The following XNDC1N variants were observed in gnomAD, a reference collection of about 807,000 sequenced individuals.
XNDC1N encodes protein XNDC1N.
chr11:71,900,109 T>C, the XNDC1N span, among the ~76,000 whole-genome samples: 1 of 152,282 alleles, frequency 6.6e-6, no homozygotes, highest in Non-Finnish European at 1.5e-5. Flanking sequence ...ACATAGATTC[T>C]ATTGCTCACA....
the XNDC1N span, among the ~76,000 whole-genome samples, chr11:71,918,186 C>G: frequency 4.6e-5 from 7 of 152,160 alleles, no homozygotes; most frequent in African/African-American, 1.7e-4. Context: ...TCCATAAACT[C>G]CTATTCAGCC....
the XNDC1N span, among the ~76,000 whole-genome samples, chr11:71,919,589 C>T: frequency 6.8e-6 from 1 of 146,890 alleles, no homozygotes; most frequent in Non-Finnish European, 1.5e-5. Flanking sequence ...GGGGTTTCCC[C>T]ATTTTGGCCA....
the XNDC1N span, among the ~76,000 whole-genome samples, chr11:71,904,446 G>T: frequency 6.6e-6 from 1 of 152,124 alleles, no homozygotes; most frequent in Non-Finnish European, 1.5e-5. Flanking sequence ...GATATCAGGA[G>T]TTGCATCTCC....
chr11:71,893,544 C>T, the XNDC1N span: 22 of 899,192 alleles, frequency 2.4e-5, no homozygotes, highest in Admixed American at 5.2e-5. Flanking sequence ...AGCCGCTCCT[C>T]GCTTTGCTGT....
At chr11:71,902,458 T>G in the XNDC1N span, among the ~76,000 whole-genome samples, 1 of 152,232 alleles carries the variant, frequency 6.6e-6, no homozygotes, top group Non-Finnish European at 1.5e-5. Context: ...CCCAAAGTGT[T>G]GGGATTACCG....
At chr11:71,901,374 G>C in the XNDC1N span, among the ~76,000 whole-genome samples, 2 of 152,070 alleles carry the variant, frequency 1.3e-5, no homozygotes, top group Admixed American at 1.3e-4. Context: ...TGAGGCAGGC[G>C]AATCACAAGG....
At chr11:71,885,018 A>G in the XNDC1N span, among the ~76,000 whole-genome samples, 9 of 152,102 alleles carry the variant, frequency 5.9e-5, no homozygotes, top group Non-Finnish European at 1.2e-4. Flanking sequence ...TCCGCGGTGG[A>G]TACACAGCCT....
chr11:71,895,477 T>A, the XNDC1N span, among the ~76,000 whole-genome samples: 2 of 19,146 alleles, frequency 1.0e-4, no homozygotes, highest in African/African-American at 1.1e-3. Flanking sequence ...GCCTGGCTAT[T>A]TTTTTTTTTT....
At chr11:71,884,025 C>A in the XNDC1N span, among the ~76,000 whole-genome samples, 2 of 152,330 alleles carry the variant, frequency 1.3e-5, no homozygotes, top group South Asian at 2.1e-4. Context: ...TCAAGGCCAA[C>A]CCCTCCACTT....
chr11:71,870,096 C>T, the XNDC1N span, among the ~76,000 whole-genome samples: 1 of 152,164 alleles, frequency 6.6e-6, no homozygotes, highest in Non-Finnish European at 1.5e-5. Flanking sequence ...TTTATAAAAT[C>T]ATCAGATCTC....
the XNDC1N span, among the ~76,000 whole-genome samples, chr11:71,925,251 G>C: frequency 6.6e-6 from 1 of 152,152 alleles, no homozygotes; most frequent in South Asian, 2.1e-4. Flanking sequence ...TCGGCGGACA[G>C]GTTTCACGTC....
At chr11:71,907,554 T>C in the XNDC1N span, among the ~76,000 whole-genome samples, 18 of 152,060 alleles carry the variant, frequency 1.2e-4, no homozygotes, top group East Asian at 1.5e-3. Context: ...TCTGGAGATT[T>C]TGAACTGTTT....
chr11:71,877,005 G>C, the XNDC1N span, among the ~76,000 whole-genome samples: 57 of 152,328 alleles, frequency 3.7e-4, 1 homozygote, highest in East Asian at 9.5e-3. Context: ...CTGAATGGAG[G>C]TTTAGGAAAA....
chr11:71,896,651 C>T, the XNDC1N span, among the ~76,000 whole-genome samples: 2 of 152,214 alleles, frequency 1.3e-5, no homozygotes, highest in African/African-American at 2.4e-5. Context: ...GCAACCTCTG[C>T]CTCCTGGGTT....
chr11:71,905,982 G>A, the XNDC1N span, among the ~76,000 whole-genome samples: 14 of 151,556 alleles, frequency 9.2e-5, no homozygotes, highest in Non-Finnish European at 2.1e-4. Flanking sequence ...AATATTGGGA[G>A]CAATATCACA....
chr11:71,882,971 G>A, the XNDC1N span, among the ~76,000 whole-genome samples: 2 of 152,024 alleles, frequency 1.3e-5, no homozygotes, highest in Admixed American at 6.5e-5. Flanking sequence ...CAACTGGAAA[G>A]CAAGTAAAGA....
chr11:71,924,486 G>A, the XNDC1N span, among the ~76,000 whole-genome samples: 1 of 152,144 alleles, frequency 6.6e-6, no homozygotes, highest in East Asian at 1.9e-4. Flanking sequence ...AGACCATCCT[G>A]GCTAACATGG....
chr11:71,926,384 T>G, the XNDC1N span, among the ~76,000 whole-genome samples: 1 of 152,228 alleles, frequency 6.6e-6, no homozygotes, highest in Non-Finnish European at 1.5e-5. Context: ...TTACAAAAAC[T>G]GTTGCTGCCA....
chr11:71,897,706 G>A, the XNDC1N span, among the ~76,000 whole-genome samples: 4,186 of 152,302 alleles, frequency 0.027, 7 homozygotes, highest in East Asian at 0.077. Flanking sequence ...AGTTGCATTT[G>A]TGGGTACCTA....
Sources: allele counts gnomAD v4.1 joint callset (sites outside exome capture counted in the v4.1 genomes callset), GRCh38; gene constraint gnomAD v4.1.1; transcripts MANE v1.5; gene names NCBI Gene and HGNC (gene_info 2026-07-23, HGNC 2026-07-21).